GOLGA8B: variants seen among roughly 807,000 people sequenced by gnomAD.
GOLGA8B encodes golgin A8 family member B, also known as golgin subfamily A member 8B.
GOLGA8B carries 1 observed loss-of-function variant against 15.6 expected under a neutral mutation model. The observed-to-expected ratio is 0.06, with a 90% CI of 0.02 to 0.30. The LOEUF (loss-of-function observed/expected upper bound fraction) is 0.30, where lower values mean the gene tolerates loss of function less well. GOLGA8B is among the 10% of genes least tolerant of loss of function. The pLI, the probability that GOLGA8B is intolerant of heterozygous loss-of-function variation, is 1.00. For missense variants in GOLGA8B, 17 were observed against 201.3 expected (o/e 0.08, Z 5.54); for synonymous variants, 9 against 80.3 (o/e 0.11, Z 4.75).
In GOLGA8B at chr15:34,566,720, G is replaced by A. The variant is rs541611526; in HGVS notation, c.-1122-12764C>T. Among the ~76,000 whole-genome samples the A allele has an allele frequency of 1.5e-4, 22 of 142,890 alleles. 3 individuals are homozygous for A. The highest frequency in any genetic ancestry group is 5.3e-4 in the African/African-American group (21 of 39,254). 93.7% of individuals were successfully genotyped at this position (142,890 alleles called of 152,430 possible). A position where few individuals can be genotyped will look rare whatever the true frequency, so the allele number is the denominator to read the frequency against. On this transcript the variant is annotated intron_variant, in intron 1 of 23. Coordinates refer to ENST00000683415, the MANE Select transcript of GOLGA8B (RefSeq NM_001023567.5). ...AAACCCCAGGGTCCAGCCAGGTCAC[G>A]GGCACAGGCCTGCACTCACGGGTCA...
intron 1 of GOLGA8B, among the ~76,000 whole-genome samples, chr15:34,572,434 A>G (rs748962819): frequency 6.6e-6 from 1 of 152,260 alleles, no homozygotes; most frequent in South Asian, 2.1e-4. Context: ...AAACAGTCAC[A>G]TATTATGCAA....
At chr15:34,564,430 A>C (rs1888703498) in intron 1 of GOLGA8B, among the ~76,000 whole-genome samples, 1 of 147,818 alleles carries the variant, frequency 6.8e-6, no homozygotes, top group Non-Finnish European at 1.5e-5. Flanking sequence ...TAAGGTTTTC[A>C]CTTTTTGCAT....
intron 1 of GOLGA8B, among the ~76,000 whole-genome samples, chr15:34,578,704 G>A (rs913549130): frequency 6.6e-6 from 1 of 152,224 alleles, no homozygotes; most frequent in Non-Finnish European, 1.5e-5. Context: ...GCCCGATGAT[G>A]CGTGTTTCAT....
intron 1 of GOLGA8B, among the ~76,000 whole-genome samples, chr15:34,581,083 C>T (rs1423530215): frequency 6.6e-6 from 1 of 152,228 alleles, no homozygotes; most frequent in Non-Finnish European, 1.5e-5. Flanking sequence ...GTGATGTGTG[C>T]AGGGCCTCGA....
chr15:34,580,492 G>C (rs200053488), intron 1 of GOLGA8B, among the ~76,000 whole-genome samples: 1 of 116,274 alleles, frequency 8.6e-6, no homozygotes, highest in Non-Finnish European at 1.9e-5. Flanking sequence ...CAGGGTTCCA[G>C]AGAGAGCCTG....
intron 1 of GOLGA8B, among the ~76,000 whole-genome samples, chr15:34,574,303 CTTTT>C (rs112808701): frequency 1.2e-4 from 17 of 144,490 alleles, no homozygotes; most frequent in South Asian, 2.3e-4. Flanking sequence ...TCAAATCAGA[CTTTT>C]TTTTTTTTTT....
At position 34,525,216 on chromosome 15, in the gene GOLGA8B, T is replaced by C. The variant is rs1242208864; in HGVS notation, c.*2416A>G. On this transcript the variant is annotated 3_prime_UTR_variant, in exon 24 of 24. Coordinates refer to ENST00000683415, the MANE Select transcript of GOLGA8B (RefSeq NM_001023567.5). Reference sequence around the variant, plus strand: ...CCAAGCATGCCCAGTATTTGCACAGTATCAATACCTTTAATACTATAATTT... The same window carrying C: ...CCAAGCATGCCCAGTATTTGCACAGCATCAATACCTTTAATACTATAATTT... 3 of 149,828 alleles carry C rather than the reference T, an allele frequency of 2.0e-5. 1 individual carries two copies. The highest frequency in any genetic ancestry group is 7.4e-5 in the African/African-American group (3 of 40,494). 9.3% of individuals were successfully genotyped at this position (149,828 alleles called of 1,614,324 possible). A position where few individuals can be genotyped will look rare whatever the true frequency, so the allele number is the denominator to read the frequency against.
chr15:34,577,966 T>C (rs778680642), intron 1 of GOLGA8B, among the ~76,000 whole-genome samples: 2 of 152,176 alleles, frequency 1.3e-5, no homozygotes, highest in African/African-American at 2.4e-5. Flanking sequence ...CACTAGGCAA[T>C]AGGAATTTTT....
At chr15:34,581,670 T>C (rs558813139) in intron 1 of GOLGA8B, among the ~76,000 whole-genome samples, 2 of 151,868 alleles carry the variant, frequency 1.3e-5, no homozygotes, top group Non-Finnish European at 2.9e-5. Context: ...AGAGAAAACA[T>C]GCAAGGTGGA....
chr15:34,571,943 C>T (rs1307062633), intron 1 of GOLGA8B, among the ~76,000 whole-genome samples: 1 of 151,930 alleles, frequency 6.6e-6, no homozygotes, highest in African/African-American at 2.4e-5. Context: ...ACCCTGTGTA[C>T]CAAGAACACC....
Position 34,578,858 on chromosome 15 carries a change from A to T in GOLGA8B, c.-1123+4658T>A, listed in dbSNP as rs190068403. On this transcript the variant is annotated intron_variant, in intron 1 of 23. Coordinates refer to ENST00000683415, the MANE Select transcript of GOLGA8B (RefSeq NM_001023567.5). ...TTCTCTTAATTTTGATCCTTGAAACACAAAACAACAGATGCACCACCTTAC... is the reference window on the plus strand; with the variant it reads ...TTCTCTTAATTTTGATCCTTGAAACTCAAAACAACAGATGCACCACCTTAC... 8.7e-4 allele frequency among the ~76,000 whole-genome samples: 133 copies of T among 152,244 alleles called. No homozygotes were observed. The East Asian group carries it at 0.02, about 23-fold the overall frequency.
chr15:34,583,425 C>T (rs1889305336), intron 1 of GOLGA8B, 91 bp downstream of exon 1: 1 of 151,654 alleles, frequency 6.6e-6, no homozygotes, highest in Non-Finnish European at 1.5e-5. Flanking sequence ...GCTTCCGCGC[C>T]GCCCCCCACG....
At chr15:34,557,644 ATGTGTGTGTGTGTG>A (rs780443805) in intron 1 of GOLGA8B, among the ~76,000 whole-genome samples, 10 of 76,112 alleles carry the variant, frequency 1.3e-4, no homozygotes, top group Admixed American at 3.2e-4. Flanking sequence ...GAATTCATGA[ATGTGTGTGTGTGTG>A]TGTGTGTGTG....
Position 34,526,611 on chromosome 15 carries a change from A to T in GOLGA8B, c.*1021T>A, listed in dbSNP as rs1888062412. On this transcript the variant is annotated 3_prime_UTR_variant, in exon 24 of 24. Coordinates refer to ENST00000683415, the MANE Select transcript of GOLGA8B (RefSeq NM_001023567.5). ...TCAGAGACATTTAAACTCTTAAAGG[A>T]TGTCTTATGATCTTTACTAAATACA... The T allele has an allele frequency of 6.7e-6, 1 of 149,210 alleles. No individual in the cohort carries two copies. Among genetic ancestry groups the T allele is most frequent in the Admixed American group, 6.8e-5 (1 of 14,740 alleles). 9.2% of individuals were successfully genotyped at this position (149,210 alleles called of 1,614,324 possible).
At chr15:34,562,262 CA>C (rs1647714142) in intron 1 of GOLGA8B, among the ~76,000 whole-genome samples, 1 of 38,272 alleles carries the variant, frequency 2.6e-5, no homozygotes, top group Non-Finnish European at 6.3e-5. Flanking sequence ...TCCAGAAGCA[CA>C]AAAGTGCAAG....
chr15:34,564,875 A>G lies in GOLGA8B; in HGVS notation c.-1122-10919T>C, dbSNP rs377625921. Among the ~76,000 whole-genome samples the G allele has an allele frequency of 3.1e-4, 45 of 144,178 alleles. 7 individuals are homozygous for G. The highest frequency in any genetic ancestry group is 3.9e-4 in the African/African-American group (16 of 40,536). 94.6% of individuals were successfully genotyped at this position (144,178 alleles called of 152,430 possible). On this transcript the variant is annotated intron_variant, in intron 1 of 23. Transcript: ENST00000683415. The stretch of plus-strand genomic sequence containing the variant: ...GTCTGGACTCCACCCTGTAGGTGAC[A>G]GGAGCCAAGACAGGGCTTGGCACAA...
intron 1 of GOLGA8B, among the ~76,000 whole-genome samples, chr15:34,579,909 A>G (rs967071315): frequency 6.6e-6 from 1 of 152,242 alleles, no homozygotes; most frequent in South Asian, 2.1e-4. Context: ...GACAATAAAC[A>G]AACAAGTACA....
intron 7 of GOLGA8B, among the ~76,000 whole-genome samples, chr15:34,539,001 T>TA (rs1888201270): frequency 7.3e-6 from 1 of 137,462 alleles, no homozygotes; most frequent in Admixed American, 7.3e-5. Flanking sequence ...GTACTTCCGT[T>TA]ATTCTTTTGG....
At chr15:34,572,814 T>A (rs1409697243) in intron 1 of GOLGA8B, among the ~76,000 whole-genome samples, 2 of 152,234 alleles carry the variant, frequency 1.3e-5, no homozygotes, top group Non-Finnish European at 2.9e-5. Flanking sequence ...AAGATCTGTG[T>A]TATATAGATC....
Sources: allele counts gnomAD v4.1 joint callset (sites outside exome capture counted in the v4.1 genomes callset), GRCh38; gene constraint gnomAD v4.1.1; transcripts MANE v1.5; gene names NCBI Gene and HGNC (gene_info 2026-07-23, HGNC 2026-07-21).